Variants in RTTN observed in about 807,000 individuals in gnomAD.
RTTN encodes rotatin.
In RTTN, 182 loss-of-function variants were observed where a neutral mutation model predicts 269.2. The observed-to-expected ratio is 0.68, with a 90% CI of 0.60 to 0.76. The LOEUF (loss-of-function observed/expected upper bound fraction) is 0.76. Among genes scored for constraint, RTTN ranks in the 30% least tolerant of loss-of-function variants. RTTN has a pLI of 0.00. For synonymous variants in RTTN, 1,006 were observed against 963.5 expected, an observed-to-expected ratio of 1.04 and a Z score of -0.82; for missense variants, 2,545 against 2,608.6, an observed-to-expected ratio of 0.98 and a Z score of 0.53.
At chr18:70,004,669 G>A (rs1007115580) in intron 48 of RTTN, among the ~76,000 whole-genome samples, 4 of 151,930 alleles carry the variant, frequency 2.6e-5, no homozygotes, top group African/African-American at 9.7e-5. Flanking sequence ...ATATATTACA[G>A]TACAGGAAAG....
chr18:70,116,125 T>C (rs1487054715), intron 26 of RTTN, among the ~76,000 whole-genome samples: 3 of 151,946 alleles, frequency 2.0e-5, no homozygotes, highest in Admixed American at 6.6e-5. Flanking sequence ...AATAAATAAA[T>C]TTTCTATAAT....
intron 14 of RTTN, among the ~76,000 whole-genome samples, chr18:70,153,232 TA>T (rs1359548686): frequency 6.7e-6 from 1 of 149,692 alleles, no homozygotes; most frequent in Non-Finnish European, 1.5e-5. Context: ...TGCAGTGTTG[TA>T]AACTATATAT....
Position 70,145,650 on chromosome 18 carries a change from C to T in RTTN, c.2443G>A (p.Glu815Lys). Residue 815 changes from glutamate to lysine, a missense_variant, in exon 18 of 49, where the codon GAA becomes AAA. By Grantham distance (56) the Glu-to-Lys change is moderately conservative. Transcript: ENST00000640769. ...TDLFIGKKPI[E>K]LRLDDRRELV... ...TCTCTTCTGTCATCCAGTCTGAGTT[C>T]AATAGGTTTCTTCCCAATGAATAAA... 6.2e-7 allele frequency: 1 copy of T among 1,611,976 alleles called. No homozygotes were observed. Among genetic ancestry groups the T allele is most frequent in the South Asian group, 1.1e-5 (1 of 90,544 alleles).
intron 28 of RTTN, among the ~76,000 whole-genome samples, chr18:70,098,006 ACT>A (rs1324017198): frequency 6.6e-6 from 1 of 152,204 alleles, no homozygotes; most frequent in Non-Finnish European, 1.5e-5. Flanking sequence ...GAGGAGACTG[ACT>A]CTGTAAAAGG....
chr18:70,134,706 CT>C (rs1373000131), intron 22 of RTTN, among the ~76,000 whole-genome samples, 165 bp from the exon 23 acceptor site: 1 of 152,014 alleles, frequency 6.6e-6, no homozygotes, highest in Non-Finnish European at 1.5e-5. Context: ...CCTAGATTTG[CT>C]TATGAAGAGT....
chr18:70,193,880 C>T (rs1260867260), intron 7 of RTTN, among the ~76,000 whole-genome samples: 2 of 152,156 alleles, frequency 1.3e-5, no homozygotes, highest in African/African-American at 2.4e-5. Flanking sequence ...ATTTGGCAAT[C>T]GATTGTTAAC....
chr18:70,184,681 A>C (rs2061492529), intron 10 of RTTN, among the ~76,000 whole-genome samples: 1 of 147,196 alleles, frequency 6.8e-6, no homozygotes, highest in Non-Finnish European at 1.5e-5. Flanking sequence ...ATTCAACTCA[A>C]TTCCATTCAA....
chr18:70,021,540 A>G (rs2056704746), intron 44 of RTTN, among the ~76,000 whole-genome samples: 1 of 152,218 alleles, frequency 6.6e-6, no homozygotes, highest in Non-Finnish European at 1.5e-5. Context: ...TCTGTAAAAG[A>G]AACTCATAAA....
intron 43 of RTTN, among the ~76,000 whole-genome samples, chr18:70,026,992 A>G (rs746796726): frequency 6.6e-6 from 1 of 152,198 alleles, no homozygotes; most frequent in Non-Finnish European, 1.5e-5. Flanking sequence ...CTCTTAATGC[A>G]TGATAATGCA....
intron 26 of RTTN, among the ~76,000 whole-genome samples, chr18:70,116,697 C>T (rs1227072546): frequency 6.6e-6 from 1 of 152,038 alleles, no homozygotes; most frequent in Admixed American, 6.6e-5. Flanking sequence ...ATAATGATGG[C>T]TCATTTTGTT....
chr18:70,033,263 C>G (rs2057072212), intron 40 of RTTN, among the ~76,000 whole-genome samples: 1 of 152,202 alleles, frequency 6.6e-6, no homozygotes, highest in Non-Finnish European at 1.5e-5. Flanking sequence ...ACTATGCTTC[C>G]TTACAGCCTG....
chr18:70,128,462 G>C lies in RTTN; in HGVS notation c.3039C>G (p.Ala1013=). 6.2e-7 allele frequency: 1 copy of C among 1,613,238 alleles called. No homozygotes were observed. Among genetic ancestry groups the C allele is most frequent in the South Asian group, 1.1e-5 (1 of 91,060 alleles). ...IVLPLSADCL[A]LKPVSDMLRI... ...TCAGCATATCTGACACCGGCTTCAAGGCCAAACAATCAGCAGATAAGGGCA... is the reference window on the plus strand; with the variant it reads ...TCAGCATATCTGACACCGGCTTCAACGCCAAACAATCAGCAGATAAGGGCA... The change falls in exon 24 of 49, where the codon GCC becomes GCG. Residue 1013 remains alanine (A), a synonymous_variant. Transcript: ENST00000640769.
At chr18:70,032,310 C>T (rs942506984) in intron 40 of RTTN, among the ~76,000 whole-genome samples, 31 of 152,168 alleles carry the variant, frequency 2.0e-4, no homozygotes, top group African/African-American at 3.6e-4. Flanking sequence ...CGGGCCCATA[C>T]GGTAGCTCCT....
intron 23 of RTTN, chr18:70,129,781 A>G (rs950442639): frequency 1.3e-5 from 2 of 152,010 alleles, no homozygotes; most frequent in Non-Finnish European, 2.9e-5. Context: ...AAATGGGATC[A>G]TATCAAGCTA....
At chr18:70,093,116 G>C (rs1018279290) in intron 28 of RTTN, among the ~76,000 whole-genome samples, 4 of 152,094 alleles carry the variant, frequency 2.6e-5, no homozygotes, top group Admixed American at 6.6e-5. Context: ...GAGGAGGGAG[G>C]ATCCCTTGAG....
intron 11 of RTTN, among the ~76,000 whole-genome samples, chr18:70,172,636 A>T (rs1164798914): frequency 6.6e-6 from 1 of 152,172 alleles, no homozygotes; most frequent in Non-Finnish European, 1.5e-5. Flanking sequence ...TAACTACCAA[A>T]AATTAGATAA....
chr18:70,045,726 C>G (rs2057471721), intron 40 of RTTN, among the ~76,000 whole-genome samples: 1 of 152,182 alleles, frequency 6.6e-6, no homozygotes, highest in African/African-American at 2.4e-5. Flanking sequence ...CTTAAACTTG[C>G]CTGTGCCTTT....
chr18:70,135,126 A>G, intron 22 of RTTN, 58 bp downstream of exon 22: 1 of 970,346 alleles, frequency 1.0e-6, no homozygotes, highest in Non-Finnish European at 1.6e-6. Context: ...ATAAGATTAC[A>G]TCAGATACCT....
At position 70,109,659 on chromosome 18, in the gene RTTN, A is replaced by G. The variant is rs1438696929; in HGVS notation, c.3742T>C (p.Cys1248Arg). ...QTQLALKLLQ[C>R]LKVTDAPHFY... Reference sequence around the variant, plus strand: ...TGAGGCGCATCCGTCACTTTCAGACACTGGAGCAGTTTCAGAGCCAGCTGC... The same window carrying G: ...TGAGGCGCATCCGTCACTTTCAGACGCTGGAGCAGTTTCAGAGCCAGCTGC... Residue 1248 changes from cysteine to arginine, a missense_variant, in exon 28 of 49, where the codon TGT (cysteine) becomes CGT (arginine). Transcript: ENST00000640769. The G allele has an allele frequency of 1.2e-6, 2 of 1,614,080 alleles. No homozygotes were observed. The highest frequency in any genetic ancestry group is 2.7e-5 in the African/African-American group (2 of 74,946).
Sources: gnomAD v4.1 joint callset for allele counts (sites outside exome capture counted in the v4.1 genomes callset) on GRCh38, gnomAD v4.1.1 for gene constraint, MANE v1.5 for transcripts, NCBI Gene and HGNC (gene_info 2026-07-23, HGNC 2026-07-21) for gene names.